Variants in P4HB observed in about 807,000 individuals in gnomAD.
P4HB encodes the protein protein disulfide-isomerase.
Under a neutral mutation model 52.6 loss-of-function variants are expected in P4HB, and 20 were observed. That is an observed-to-expected ratio of 0.38 (90% CI 0.27 to 0.55). The LOEUF (loss-of-function observed/expected upper bound fraction) is 0.55, where lower values mean the gene tolerates loss of function less well. Among genes scored for constraint, P4HB ranks in the 20% least tolerant of loss-of-function variants. P4HB has a pLI of 0.74. For synonymous variants in P4HB, 296 were observed against 277.9 expected, an observed-to-expected ratio of 1.07 and a Z score of -0.65; for missense variants, 601 against 669.2, an observed-to-expected ratio of 0.90 and a Z score of 1.12.
At chr17:81,845,289 A>G in intron 9 of P4HB, 59 bp from the exon 10 acceptor site, 1 of 1,379,318 alleles carries the variant, frequency 7.2e-7, no homozygotes, top group East Asian at 2.3e-5. Flanking sequence ...ATCTCCTGGC[A>G]TTGGCTCCTC....
intron 4 of P4HB, among the ~76,000 whole-genome samples, chr17:81,848,412 T>C (rs951874455): frequency 6.6e-6 from 1 of 152,216 alleles, no homozygotes; most frequent in Non-Finnish European, 1.5e-5. Context: ...AAAGATGTGA[T>C]TTATGATAAC....
At chr17:81,848,214 T>G (rs920541622) in intron 4 of P4HB, among the ~76,000 whole-genome samples, 5 of 152,186 alleles carry the variant, frequency 3.3e-5, no homozygotes, top group Non-Finnish European at 5.9e-5. Context: ...AAAGCTATTT[T>G]CACACTCACA....
intron 4 of P4HB, among the ~76,000 whole-genome samples, chr17:81,850,772 C>T (rs1023406579): frequency 6.6e-6 from 1 of 152,036 alleles, no homozygotes; most frequent in Non-Finnish European, 1.5e-5. Context: ...CGTGAGCCAG[C>T]GTGTCCAGCC....
At chr17:81,847,207 CCCAT>C (rs1238319117) in intron 5 of P4HB, 32 bp downstream of exon 5, 2 of 1,607,774 alleles carry the variant, frequency 1.2e-6, no homozygotes, top group Non-Finnish European at 1.7e-6. Context: ...CCCACTCCTC[CCCAT>C]CCCCAGCCTG....
chr17:81,859,796 T>G (rs540661075), intron 1 of P4HB: 14 of 267,978 alleles, frequency 5.2e-5, no homozygotes, highest in African/African-American at 1.1e-4. Flanking sequence ...GAGATGCACA[T>G]CCGTGCACAC....
intron 4 of P4HB, among the ~76,000 whole-genome samples, chr17:81,854,259 C>G (rs1393358369): frequency 6.6e-6 from 1 of 152,224 alleles, no homozygotes; most frequent in Non-Finnish European, 1.5e-5. Flanking sequence ...TAAAACGTGG[C>G]CGGGCGCGGT....
Position 81,855,732 on chromosome 17 carries a change from C to T in P4HB, c.353-146G>A. 2 of 883,144 alleles carry T rather than the reference C, an allele frequency of 2.3e-6. No homozygotes were observed. The allele number at this position is 883,144 out of a possible 1,614,324, so 54.7% of individuals were successfully genotyped here. A position where few individuals can be genotyped will look rare whatever the true frequency, so the allele number is the denominator to read the frequency against. Reference sequence around the variant, plus strand: ...GATGTTCTCCCACCATGGAAGAGGCCCGGTGCCGTCCGCCCGCCTCCTAAA... The same window carrying T: ...GATGTTCTCCCACCATGGAAGAGGCTCGGTGCCGTCCGCCCGCCTCCTAAA... On this transcript the variant is annotated intron_variant, in intron 2 of 10. Coordinates refer to ENST00000331483, the MANE Select transcript of P4HB (RefSeq NM_000918.4). The surrounding 1 kb of genome is among the most constrained non-coding windows in gnomAD (Gnocchi z 4.3).
chr17:81,846,839 C>T lies in P4HB; in HGVS notation c.855+108G>A, dbSNP rs143275407. ...TCCAGGCTGTCCTGAATCAGGTGCC[C>T]GATCCAGTCCAGCAGGCAGCCTCAG... On this transcript the variant is annotated intron_variant, in intron 6 of 10. Transcript: ENST00000331483. The surrounding 1 kb of genome is among the most constrained non-coding windows in gnomAD (Gnocchi z 5.7). 1,345 of 1,409,174 alleles carry T rather than the reference C, an allele frequency of 9.5e-4. 11 individuals are homozygous for T. The African/African-American group carries it at 0.016, about 17-fold the overall frequency. The allele number at this position is 1,409,174 out of a possible 1,614,324, so 87.3% of individuals were successfully genotyped here.
At chr17:81,858,766 C>T (rs542713931) in intron 2 of P4HB, 19 of 206,702 alleles carry the variant, frequency 9.2e-5, no homozygotes, top group Non-Finnish European at 1.6e-4. Flanking sequence ...GGAGAAATCA[C>T]GCAAGCACGT....
rs941639355 is a variant in P4HB at position 81,847,467 on chromosome 17, C to T, written c.625-120G>A. 69 of 791,602 alleles carry T rather than the reference C, an allele frequency of 8.7e-5. No homozygotes were observed. The East Asian group carries it at 9.2e-4, about 11-fold the overall frequency. The allele number at this position is 791,602 out of a possible 1,614,324, so 49.0% of individuals were successfully genotyped here. On this transcript the variant is annotated intron_variant, in intron 4 of 10. Transcript: ENST00000331483. ...GCAGCCCTGCCCTCCCGTGGGGTTT[C>T]GAGCCACAGGTCCAGCAATGGGTAC...
chr17:81,859,626 G>C (rs1300240603), intron 1 of P4HB: 2 of 554,068 alleles, frequency 3.6e-6, no homozygotes, highest in Non-Finnish European at 6.5e-6. Flanking sequence ...ACTCTGCTAT[G>C]TCACCATCAG....
In P4HB at chr17:81,845,862, A is replaced by G. The variant is rs924510885; in HGVS notation, c.1177+9T>C. 8 of 1,613,912 alleles carry G rather than the reference A, an allele frequency of 5.0e-6. No homozygotes were observed. In the African/African-American group the frequency reaches 8.0e-5, roughly 16 times the overall value. ...CACGGACCTGGGGAGCTGAAAGGGC[A>G]ACACTTACAGAACTCCACAAAGACG... is the stretch of plus-strand genomic sequence containing the variant. On this transcript the variant is annotated intron_variant, in intron 8 of 10. Coordinates refer to ENST00000331483, the MANE Select transcript of P4HB (RefSeq NM_000918.4).
intron 4 of P4HB, among the ~76,000 whole-genome samples, chr17:81,852,000 C>T (rs915223373): frequency 3.3e-5 from 5 of 152,146 alleles, no homozygotes; most frequent in African/African-American, 4.8e-5. Context: ...CTGGGCAACA[C>T]GGTGAAACCC....
At chr17:81,859,965 T>C in intron 1 of P4HB, 1 of 206,442 alleles carries the variant, frequency 4.8e-6, no homozygotes, top group Non-Finnish European at 9.7e-6. Context: ...AGGACTGCTG[T>C]GGCAAGCTGA....
In P4HB at chr17:81,843,891, G is replaced by T; in HGVS notation, c.*121C>A. The T allele has an allele frequency of 1.3e-6, 1 of 761,680 alleles. No homozygotes were observed. Among genetic ancestry groups the T allele is most frequent in the Non-Finnish European group, 2.4e-6 (1 of 420,522 alleles). The allele number at this position is 761,680 out of a possible 1,614,324, so 47.2% of individuals were successfully genotyped here. A position where few individuals can be genotyped will look rare whatever the true frequency, so the allele number is the denominator to read the frequency against. On this transcript the variant is annotated 3_prime_UTR_variant, in exon 11 of 11. Coordinates refer to ENST00000331483, the MANE Select transcript of P4HB (RefSeq NM_000918.4). ...AGGGGTGAGGTGTCACTTCAGAGAG[G>T]TTCCCTGGGTTTCCGGCGACGCCCT...
At chr17:81,854,311 G>A (rs2143349176) in intron 4 of P4HB, among the ~76,000 whole-genome samples, 1 of 152,122 alleles carries the variant, frequency 6.6e-6, no homozygotes, top group African/African-American at 2.4e-5. Context: ...GGCTGAGGCA[G>A]GCAGACCACT....
intron 9 of P4HB, 87 bp downstream of exon 9, chr17:81,845,474 G>A: frequency 7.6e-7 from 1 of 1,321,610 alleles, no homozygotes; most frequent in Non-Finnish European, 1.0e-6. Flanking sequence ...CTAGCCCCAG[G>A]CTCCTTCCAG....
At chr17:81,847,937 C>CTG (rs940517831) in intron 4 of P4HB, 2 of 141,740 alleles carry the variant, frequency 1.4e-5, no homozygotes, top group African/African-American at 5.4e-5. Context: ...TGGAGTCTTG[C>CTG]TGTGTCTCCC....
At chr17:81,850,166 CTT>C (rs2038805920) in intron 4 of P4HB, among the ~76,000 whole-genome samples, 1 of 149,076 alleles carries the variant, frequency 6.7e-6, no homozygotes, top group Admixed American at 6.7e-5. Context: ...GAGTTTCACT[CTT>C]GTTGCCCAGG....
Sources: allele counts gnomAD v4.1 joint callset (sites outside exome capture counted in the v4.1 genomes callset), GRCh38; gene constraint gnomAD v4.1.1; non-coding constraint Gnocchi (gnomAD v3.1); transcripts MANE v1.5; gene names NCBI Gene and HGNC (gene_info 2026-07-23, HGNC 2026-07-21).